The following TIAM1 variants were observed in gnomAD, a reference collection of about 807,000 sequenced individuals.
TIAM1 encodes the protein TIAM Rac1 associated GEF 1.
Under a neutral mutation model 163.5 loss-of-function variants are expected in TIAM1, and 65 were observed. That is an observed-to-expected ratio of 0.40 (90% CI 0.33 to 0.49). The LOEUF (loss-of-function observed/expected upper bound fraction) is 0.49, where lower values mean the gene tolerates loss of function less well. Among genes scored for constraint, TIAM1 ranks in the 20% least tolerant of loss-of-function variants. TIAM1 has a pLI of 0.77. For missense variants in TIAM1, 1,789 were observed against 2,044.7 expected (o/e 0.87, Z 2.41); for synonymous variants, 833 against 810.1 (o/e 1.03, Z -0.48).
chr21:31,151,834 A>T (rs1323895724), intron 19 of TIAM1, among the ~76,000 whole-genome samples: 5 of 152,270 alleles, frequency 3.3e-5, no homozygotes, highest in Admixed American at 3.3e-4. Context: ...TCTGCAATAA[A>T]AGAAAGCCAA....
At chr21:31,462,363 C>T (rs748973494) in intron 2 of TIAM1, among the ~76,000 whole-genome samples, 9 of 152,168 alleles carry the variant, frequency 5.9e-5, no homozygotes, top group Admixed American at 1.3e-4. Context: ...AGCAGAGATA[C>T]ACTTAAGACA....
At chr21:31,387,437 T>C (rs140029352) in intron 2 of TIAM1, among the ~76,000 whole-genome samples, 1 of 151,804 alleles carries the variant, frequency 6.6e-6, no homozygotes, top group East Asian at 2.0e-4. Context: ...GGTCTCGAAC[T>C]CCTGACCTGA....
chr21:31,195,079 G>A, intron 13 of TIAM1, 145 bp downstream of exon 13: 1 of 543,728 alleles, frequency 1.8e-6, no homozygotes, highest in Admixed American at 3.3e-5. Flanking sequence ...TTATTCCCTA[G>A]TGTGGCTGCC....
chr21:31,221,531 C>T (rs960050186), intron 8 of TIAM1, among the ~76,000 whole-genome samples: 5 of 152,170 alleles, frequency 3.3e-5, no homozygotes, highest in Non-Finnish European at 5.9e-5. Context: ...ATTAGAGGGT[C>T]CGAAGATGAA....
chr21:31,217,681 C>G lies in TIAM1; in HGVS notation c.2014G>C (p.Glu672Gln). 2 of 1,613,660 alleles carry G rather than the reference C, an allele frequency of 1.2e-6. No individual in the cohort carries two copies. The highest frequency in any genetic ancestry group is 4.5e-5 in the East Asian group (2 of 44,860). Residue 672 changes from glutamate (E) to glutamine (Q), a missense_variant, in exon 9 of 28, where the codon GAA becomes CAA. By Grantham distance (29) the Glu-to-Gln change is conservative. Around this residue, in one of 5 missense-constraint regions of TIAM1, gnomAD observed 456 missense variants for 586.6 expected, o/e 0.78. Transcript: ENST00000541036. ...FHALVAARTG[E>Q]TGVRRRTQAM... ...TGAGTACGTCTTCTCACTCCAGTTTCACCAGTGCGTGCTGCCACCTGAGGA... is the reference window on the plus strand; with the variant it reads ...TGAGTACGTCTTCTCACTCCAGTTTGACCAGTGCGTGCTGCCACCTGAGGA...
intron 3 of TIAM1, among the ~76,000 whole-genome samples, chr21:31,270,923 C>CAGGTCTG: frequency 6.6e-6 from 1 of 152,276 alleles, no homozygotes; most frequent in South Asian, 2.1e-4. Context: ...CCTACTCCAC[C>CAGGTCTG]AAGTTCCTTC....
intron 1 of TIAM1, among the ~76,000 whole-genome samples, chr21:31,543,573 C>T (rs1375430664): frequency 6.6e-6 from 1 of 152,034 alleles, no homozygotes; most frequent in Non-Finnish European, 1.5e-5. Context: ...AGCAGAACAT[C>T]GAGGAAAACT....
chr21:31,549,621 C>T (rs578078946), intron 1 of TIAM1, among the ~76,000 whole-genome samples: 19 of 152,232 alleles, frequency 1.2e-4, no homozygotes, highest in East Asian at 1.9e-4. Flanking sequence ...GAGATACAGC[C>T]GCTCATCCAA....
chr21:31,120,436 T>C lies in TIAM1; in HGVS notation c.4708A>G (p.Ser1570Gly). 6.2e-7 allele frequency: 1 copy of C among 1,614,206 alleles called. No individual in the cohort carries two copies. Among genetic ancestry groups the C allele is most frequent in the Non-Finnish European group, 8.5e-7 (1 of 1,180,042 alleles). ...CGCCTAACCCAAATGACTTCCTCGC[T>C]TGCGCTCTCCAGGCCTCCATTGATC... is the stretch of plus-strand genomic sequence containing the variant. ...SGINGGLESA[S>G]EEVIWVRRED... Residue 1570 changes from serine (S) to glycine (G), a missense_variant, in exon 28 of 28, where the codon AGC becomes GGC. Around this residue, in one of 5 missense-constraint regions of TIAM1, gnomAD observed 415 missense variants for 439.2 expected, o/e 0.94. Transcript: ENST00000541036. The surrounding 1 kb of genome is among the most constrained non-coding windows in gnomAD (Gnocchi z 4.2).
At chr21:31,304,225 C>G (rs1296099555) in intron 2 of TIAM1, among the ~76,000 whole-genome samples, 1 of 152,070 alleles carries the variant, frequency 6.6e-6, no homozygotes, top group Non-Finnish European at 1.5e-5. Context: ...TAAAGGTTTC[C>G]TATCTAAGTT....
intron 2 of TIAM1, chr21:31,453,176 C>T (rs911764549): frequency 1.1e-5 from 3 of 266,866 alleles, no homozygotes; most frequent in Non-Finnish European, 2.3e-5. Context: ...AGTGGTGTTA[C>T]GGCGGTGGAA....
At position 31,134,305 on chromosome 21, in the gene TIAM1, T is replaced by C. The variant is rs117291375; in HGVS notation, c.3883+1628A>G. Among the ~76,000 whole-genome samples, 301 of 152,206 alleles carry C rather than the reference T, an allele frequency of 2.0e-3. 2 individuals are homozygous for C. The highest frequency in any genetic ancestry group is 9.8e-3 in the South Asian group (47 of 4,816). ...TATCCTGCATCCCATGAATGACCCATTAAGCAGCATCCAGGAGATCCCAGA... is the reference window on the plus strand; with the variant it reads ...TATCCTGCATCCCATGAATGACCCACTAAGCAGCATCCAGGAGATCCCAGA... On this transcript the variant is annotated intron_variant, in intron 23 of 27. Transcript: ENST00000541036.
intron 22 of TIAM1, among the ~76,000 whole-genome samples, chr21:31,139,076 T>C (rs2082732791): frequency 6.6e-6 from 1 of 152,266 alleles, no homozygotes; most frequent in Non-Finnish European, 1.5e-5. Flanking sequence ...TGGAAAGATT[T>C]CTTACATATC....
At chr21:31,532,707 G>A (rs2048009317) in intron 1 of TIAM1, among the ~76,000 whole-genome samples, 1 of 152,148 alleles carries the variant, frequency 6.6e-6, no homozygotes, top group Admixed American at 6.5e-5. Context: ...GGGTGAAGGG[G>A]CCCATTAAAA....
intron 19 of TIAM1, among the ~76,000 whole-genome samples, chr21:31,150,143 G>C (rs187117020): frequency 2.0e-5 from 3 of 152,220 alleles, no homozygotes; most frequent in African/African-American, 7.2e-5. Flanking sequence ...CACTATTCTT[G>C]TAACTTTTCT....
intron 2 of TIAM1, among the ~76,000 whole-genome samples, chr21:31,360,419 C>T (rs2076389274): frequency 6.6e-6 from 1 of 151,154 alleles, no homozygotes. Flanking sequence ...GGCTAATGTC[C>T]TTGTATTATC....
chr21:31,162,965 G>A (rs948357256), intron 16 of TIAM1, among the ~76,000 whole-genome samples: 1 of 152,036 alleles, frequency 6.6e-6, no homozygotes, highest in Non-Finnish European at 1.5e-5. Flanking sequence ...GCAAAGCCCT[G>A]GAGCCTCTTC....
chr21:31,280,646 G>T (rs1014792115), intron 2 of TIAM1, among the ~76,000 whole-genome samples: 1 of 152,064 alleles, frequency 6.6e-6, no homozygotes, highest in Non-Finnish European at 1.5e-5. Context: ...TCAAATACCC[G>T]CAAAAATTGA....
intron 1 of TIAM1, among the ~76,000 whole-genome samples, chr21:31,498,854 G>A (rs893469266): frequency 2.0e-5 from 3 of 151,998 alleles, no homozygotes; most frequent in Admixed American, 6.6e-5. Context: ...GCTGAGGCAG[G>A]AGAATTGCTT....
Sources: allele counts gnomAD v4.1 joint callset (sites outside exome capture counted in the v4.1 genomes callset), GRCh38; gene constraint gnomAD v4.1.1; regional missense constraint gnomAD v4.1.1; non-coding constraint Gnocchi (gnomAD v3.1); transcripts MANE v1.5; gene names NCBI Gene and HGNC (gene_info 2026-07-23, HGNC 2026-07-21).